GRID2: variants seen among roughly 807,000 people sequenced by gnomAD.
The protein encoded by GRID2 is glutamate receptor ionotropic, delta-2.
A neutral mutation model predicts 114.8 loss-of-function variants in GRID2; 33 were observed. That is an observed-to-expected ratio of 0.29 (90% CI 0.22 to 0.38). The LOEUF is 0.38. Among genes scored for constraint, GRID2 ranks in the 10% least tolerant of loss-of-function variants. The probability of loss-of-function intolerance (pLI) is 1.00; values close to 1 mark genes in which losing one functional copy is unlikely to be tolerated. For synonymous variants in GRID2, 505 were observed against 449.9 expected (o/e 1.12, Z -1.55); for missense variants, 1,184 against 1,257.7 (o/e 0.94, Z 0.89).
chr4:93,347,967 G>C (rs554204154), intron 8 of GRID2, among the ~76,000 whole-genome samples: 1 of 151,842 alleles, frequency 6.6e-6, no homozygotes, highest in South Asian at 2.1e-4. Context: ...GACGTTTTTG[G>C]GGAGCAAAGT....
At chr4:93,105,572 T>C (rs948117638) in intron 3 of GRID2, among the ~76,000 whole-genome samples, 8 of 152,200 alleles carry the variant, frequency 5.3e-5, no homozygotes, top group Non-Finnish European at 8.8e-5. Context: ...GGAATCTCAG[T>C]GGGCTATAAT....
chr4:93,721,694 G>T (rs1729386950), intron 14 of GRID2, among the ~76,000 whole-genome samples: 1 of 152,028 alleles, frequency 6.6e-6, no homozygotes, highest in African/African-American at 2.4e-5. Context: ...TGCAATAAAA[G>T]TTAGTTGCTG....
intron 14 of GRID2, among the ~76,000 whole-genome samples, chr4:93,670,672 C>CT (rs1724333245): frequency 6.6e-6 from 1 of 152,152 alleles, no homozygotes; most frequent in Admixed American, 6.5e-5. Flanking sequence ...AGGCTGACTA[C>CT]TTTGAGTTCT....
intron 2 of GRID2, among the ~76,000 whole-genome samples, chr4:93,048,531 C>T (rs1260544252): frequency 6.6e-6 from 1 of 151,986 alleles, no homozygotes; most frequent in African/African-American, 2.4e-5. Context: ...TGACCTAATG[C>T]TTAAAAGTGA....
chr4:93,658,152 C>T (rs2149732731), intron 14 of GRID2, among the ~76,000 whole-genome samples: 1 of 152,266 alleles, frequency 6.6e-6, no homozygotes. Flanking sequence ...GATTTTTAAT[C>T]AATCTTAGAG....
At chr4:93,290,730 T>G (rs1753645726) in intron 8 of GRID2, among the ~76,000 whole-genome samples, 2 of 152,138 alleles carry the variant, frequency 1.3e-5, no homozygotes, top group African/African-American at 4.8e-5. Context: ...TCTCTTATTC[T>G]TGGCTTCTAT....
chr4:93,122,922 G>T (rs1244489006), intron 4 of GRID2, among the ~76,000 whole-genome samples: 5 of 76,870 alleles, frequency 6.5e-5, no homozygotes, highest in East Asian at 4.4e-4. Context: ...TGATGAGAAA[G>T]TCTTAAATTT....
chr4:92,951,478 C>T (rs1752033677), intron 2 of GRID2, among the ~76,000 whole-genome samples: 1 of 151,878 alleles, frequency 6.6e-6, no homozygotes, highest in African/African-American at 2.4e-5. Context: ...GGAGCTTGGA[C>T]TACAGGTACA....
chr4:93,705,762 C>T (rs975563815), intron 14 of GRID2, among the ~76,000 whole-genome samples: 1 of 152,042 alleles, frequency 6.6e-6, no homozygotes, highest in Non-Finnish European at 1.5e-5. Flanking sequence ...TTGTGCAGAC[C>T]AATGTTATAG....
intron 2 of GRID2, among the ~76,000 whole-genome samples, chr4:92,869,659 T>A (rs1423594861): frequency 6.6e-6 from 1 of 152,196 alleles, no homozygotes; most frequent in East Asian, 1.9e-4. Context: ...GACTTTCTTT[T>A]GCATTATTCA....
chr4:92,402,702 C>T (rs548858680), intron 1 of GRID2, among the ~76,000 whole-genome samples: 29 of 152,252 alleles, frequency 1.9e-4, no homozygotes, highest in South Asian at 1.7e-3. Flanking sequence ...TTATAGAGCA[C>T]AGGCAGAATA....
At chr4:92,476,271 C>T (rs1364486027) in intron 1 of GRID2, among the ~76,000 whole-genome samples, 1 of 152,076 alleles carries the variant, frequency 6.6e-6, no homozygotes, top group African/African-American at 2.4e-5. Flanking sequence ...GTGATCCGCC[C>T]GCCTTGGCTT....
intron 12 of GRID2, among the ~76,000 whole-genome samples, chr4:93,503,381 T>A (rs985384629): frequency 5.9e-5 from 9 of 152,076 alleles, no homozygotes; most frequent in African/African-American, 1.9e-4. Context: ...ACGTGCAGGT[T>A]TGTTACATAT....
chr4:93,237,247 A>G (rs1746906006), intron 7 of GRID2, among the ~76,000 whole-genome samples: 1 of 151,986 alleles, frequency 6.6e-6, no homozygotes, highest in South Asian at 2.1e-4. Context: ...TAAAGAATTA[A>G]TTTTGTTGAT....
chr4:92,962,328 A>C (rs747828062), intron 2 of GRID2, among the ~76,000 whole-genome samples: 1 of 151,878 alleles, frequency 6.6e-6, no homozygotes, highest in African/African-American at 2.4e-5. Context: ...CCTTAATCAT[A>C]GGTCTGGTCC....
chr4:93,689,428 TTAA>T (rs1726351255), intron 14 of GRID2, among the ~76,000 whole-genome samples: 1 of 152,064 alleles, frequency 6.6e-6, no homozygotes, highest in Admixed American at 6.6e-5. Flanking sequence ...TCATAATCAC[TTAA>T]TAAATAGTTT....
At chr4:93,794,155 C>A (rs1245989301) in intron 1 of GRID2, among the ~76,000 whole-genome samples, 1 of 152,150 alleles carries the variant, frequency 6.6e-6, no homozygotes, top group African/African-American at 2.4e-5. Context: ...CCTAACAATT[C>A]TATCAGGGTG....
chr4:93,554,717 T>A (rs1481929496), intron 13 of GRID2, among the ~76,000 whole-genome samples: 13 of 152,148 alleles, frequency 8.5e-5, no homozygotes, highest in African/African-American at 4.8e-5. Context: ...TCCTCCTGCC[T>A]CAGCCTCAGT....
At chr4:92,940,966 T>A (rs911671219) in intron 2 of GRID2, among the ~76,000 whole-genome samples, 5 of 152,176 alleles carry the variant, frequency 3.3e-5, no homozygotes, top group African/African-American at 1.2e-4. Flanking sequence ...TGGATTCGGT[T>A]TGCCAGTATT....
Sources: allele counts gnomAD v4.1 joint callset (sites outside exome capture counted in the v4.1 genomes callset), GRCh38; gene constraint gnomAD v4.1.1; transcripts MANE v1.5; gene names NCBI Gene and HGNC (gene_info 2026-07-23, HGNC 2026-07-21).